The following ALG6 variants were observed in gnomAD, a reference collection of about 807,000 sequenced individuals.
The protein encoded by ALG6 is dolichyl pyrophosphate Man9GlcNAc2 alpha-1,3-glucosyltransferase.
In ALG6, 46 loss-of-function variants were observed where a neutral mutation model predicts 66.6. The observed-to-expected ratio is 0.69, with a 90% CI of 0.55 to 0.88. The LOEUF is 0.88. Ranked by LOEUF, ALG6 falls within the 40% of genes least tolerant of loss-of-function variation. ALG6 has a pLI of 0.00. For synonymous variants in ALG6, 185 were observed against 203.7 expected (o/e 0.91, Z 0.78); for missense variants, 505 against 586.8 (o/e 0.86, Z 1.44).
chr1:63,412,762 T>C (rs1382422915), intron 9 of ALG6, among the ~76,000 whole-genome samples: 5 of 152,196 alleles, frequency 3.3e-5, no homozygotes, highest in African/African-American at 4.8e-5. Flanking sequence ...TTAGATTTGG[T>C]AATTAAATTA....
intron 2 of ALG6, among the ~76,000 whole-genome samples, chr1:63,376,890 A>G (rs1331305527): frequency 6.6e-6 from 1 of 152,150 alleles, no homozygotes; most frequent in African/African-American, 2.4e-5. Flanking sequence ...AGTTATTAAG[A>G]GAGCTGTAGT....
At chr1:63,406,814 G>A (rs1644491692) in intron 6 of ALG6, among the ~76,000 whole-genome samples, 1 of 152,014 alleles carries the variant, frequency 6.6e-6, no homozygotes. Context: ...GTATCTGAAA[G>A]TACTTCCTCT....
chr1:63,378,747 C>T (rs1469497006), intron 2 of ALG6, among the ~76,000 whole-genome samples: 1 of 151,786 alleles, frequency 6.6e-6, no homozygotes, highest in Non-Finnish European at 1.5e-5. Flanking sequence ...TTCATTCTGT[C>T]TTCTGTGTTT....
rs9436226 is a variant in ALG6, at chr1:63,415,843, A to T, written c.903-30A>T. On this transcript the variant is annotated intron_variant, in intron 10 of 14. Transcript: ENST00000263440. ...CTAGATTTATACCTCTACAAAGAAG[A>T]CAAATATTTGATTTGTATTAATTTT... is the stretch of plus-strand genomic sequence containing the variant. 10,290 of 1,451,506 alleles carry T rather than the reference A, an allele frequency of 7.1e-3. 622 individuals carry two copies. In the African/African-American group the frequency reaches 0.12, roughly 17 times the overall value. The allele number at this position is 1,451,506 out of a possible 1,614,324, so 89.9% of individuals were successfully genotyped here.
chr1:63,387,223 C>T (rs1274364655), intron 2 of ALG6, among the ~76,000 whole-genome samples: 1 of 151,978 alleles, frequency 6.6e-6, no homozygotes, highest in East Asian at 1.9e-4. Context: ...ATCTGTGTGC[C>T]AAGGAGAAGA....
At chr1:63,417,676 G>A (rs1644551951) in intron 11 of ALG6, among the ~76,000 whole-genome samples, 1 of 152,154 alleles carries the variant, frequency 6.6e-6, no homozygotes. Context: ...GGTATTGAGT[G>A]CCTTCTCATA....
At chr1:63,419,638 A>G (rs1644563505) in intron 12 of ALG6, among the ~76,000 whole-genome samples, 198 bp downstream of exon 12, 1 of 152,194 alleles carries the variant, frequency 6.6e-6, no homozygotes, top group African/African-American at 2.4e-5. Flanking sequence ...ATTTTGGTAG[A>G]ATGTTATTGA....
chr1:63,396,470 C>CT, intron 2 of ALG6, 43 bp from the exon 3 acceptor site: 1 of 1,505,282 alleles, frequency 6.6e-7, no homozygotes, highest in Non-Finnish European at 9.3e-7. Flanking sequence ...CACTGATATG[C>CT]TAAAGTACAT....
At chr1:63,404,121 C>G (rs1243276914) in intron 4 of ALG6, among the ~76,000 whole-genome samples, 1 of 152,072 alleles carries the variant, frequency 6.6e-6, no homozygotes, top group East Asian at 1.9e-4. Flanking sequence ...ATCCTCTGGT[C>G]AACACTAGCA....
chr1:63,370,439 T>C (rs1439747830), intron 1 of ALG6, among the ~76,000 whole-genome samples: 1 of 152,238 alleles, frequency 6.6e-6, no homozygotes, highest in African/African-American at 2.4e-5. Flanking sequence ...GGTTTTATAT[T>C]TACCTGTAGG....
At position 63,419,349 on chromosome 1, in the gene ALG6, TC is replaced by T. The variant is rs757939381; in HGVS notation, c.988-14del. On this transcript the variant is annotated intron_variant, in intron 11 of 14. Transcript: ENST00000263440. ...ATTTCACAAGTTGTTATATCTCATT[TC>T]CCCCCCTTTTTTCTTAAAGGTTAGC... The T allele has an allele frequency of 5.0e-6, 8 of 1,586,938 alleles. No individual in the cohort carries two copies. Among genetic ancestry groups the T allele is most frequent in the Admixed American group, 1.7e-5 (1 of 59,708 alleles).
At chr1:63,376,815 C>T (rs1570033536) in intron 2 of ALG6, among the ~76,000 whole-genome samples, 1 of 151,892 alleles carries the variant, frequency 6.6e-6, no homozygotes, top group Admixed American at 6.6e-5. Flanking sequence ...TTCAATAACC[C>T]AATATTATTG....
intron 2 of ALG6, among the ~76,000 whole-genome samples, chr1:63,374,099 T>TA (rs1279454478): frequency 6.6e-6 from 1 of 152,150 alleles, no homozygotes; most frequent in Non-Finnish European, 1.5e-5. Flanking sequence ...AGACAACCAA[T>TA]AAATGACAAC....
intron 7 of ALG6, among the ~76,000 whole-genome samples, chr1:63,410,457 T>C (rs1278764417): frequency 6.6e-6 from 1 of 152,140 alleles, no homozygotes. Flanking sequence ...GGTTTTGCCA[T>C]GTTGCTGAGG....
chr1:63,395,762 G>A (rs750633191), intron 2 of ALG6, among the ~76,000 whole-genome samples: 6 of 152,174 alleles, frequency 3.9e-5, no homozygotes, highest in African/African-American at 7.2e-5. Context: ...GGGCAGTATA[G>A]TTGACAGCCT....
chr1:63,427,949 G>T (rs1644626004), intron 12 of ALG6, among the ~76,000 whole-genome samples: 1 of 151,900 alleles, frequency 6.6e-6, no homozygotes, highest in African/African-American at 2.4e-5. Flanking sequence ...TGGGATTACA[G>T]GCACGCACCA....
At chr1:63,432,258 G>GTTTTTTTTT (rs139890401) in intron 14 of ALG6, among the ~76,000 whole-genome samples, 1 of 149,564 alleles carries the variant, frequency 6.7e-6, no homozygotes, top group African/African-American at 2.5e-5. Flanking sequence ...TTGGTCATGT[G>GTTTTTTTTT]TGTTTTTTTT....
Position 63,419,365 on chromosome 1 carries a change from T to TA in ALG6, c.988-2dup. 6.2e-7 allele frequency: 1 copy of TA among 1,608,274 alleles called. No homozygotes were observed. The highest frequency in any genetic ancestry group is 8.5e-7 in the Non-Finnish European group (1 of 1,176,274). The stretch of plus-strand genomic sequence containing the variant: ...TATCTCATTTCCCCCCCTTTTTTCT[T>TA]AAAGGTTAGCTGTGCGCTATCATTC... On this transcript the variant is annotated splice_polypyrimidine_tract_variant and splice_region_variant and intron_variant, in intron 11 of 14. Coordinates refer to ENST00000263440, the MANE Select transcript of ALG6 (RefSeq NM_013339.4).
At chr1:63,419,310 T>G in intron 11 of ALG6, 60 bp from the exon 12 acceptor site, 1 of 1,254,642 alleles carries the variant, frequency 8.0e-7, no homozygotes, top group Non-Finnish European at 1.2e-6. Flanking sequence ...ATTCTATAAT[T>G]AACTTGATAT....
Sources: gnomAD v4.1 joint callset for allele counts (sites outside exome capture counted in the v4.1 genomes callset) on GRCh38, gnomAD v4.1.1 for gene constraint, MANE v1.5 for transcripts, NCBI Gene and HGNC (gene_info 2026-07-23, HGNC 2026-07-21) for gene names.